TRIM9: variants seen among roughly 807,000 people sequenced by gnomAD.
TRIM9 encodes the protein E3 ubiquitin-protein ligase TRIM9.
TRIM9 carries 26 observed loss-of-function variants against 78.3 expected under a neutral mutation model. The observed-to-expected ratio is 0.33, with a 90% CI of 0.24 to 0.46. The LOEUF is 0.46. Ranked by LOEUF, TRIM9 falls within the 20% of genes least tolerant of loss-of-function variation. The probability of loss-of-function intolerance (pLI) is 1.00; values close to 1 mark genes in which losing one functional copy is unlikely to be tolerated. For missense variants in TRIM9, 787 were observed against 1,036.4 expected, an observed-to-expected ratio of 0.76 and a Z score of 3.30; for synonymous variants, 398 against 416.5, an observed-to-expected ratio of 0.96 and a Z score of 0.54.
intron 1 of TRIM9, among the ~76,000 whole-genome samples, chr14:51,071,825 A>C (rs913168242): frequency 1.3e-5 from 2 of 152,082 alleles, no homozygotes. Flanking sequence ...TAAATGAATA[A>C]TTTTTAAAAA....
chr14:51,025,238 T>C (rs11848681), intron 2 of TRIM9, 27 bp downstream of exon 2: 694,729 of 1,603,050 alleles, frequency 0.43, 155,006 homozygotes, highest in South Asian at 0.64. Flanking sequence ...CCGGCGGGTT[T>C]CCTTGCGTCC....
intron 5 of TRIM9, among the ~76,000 whole-genome samples, chr14:51,001,451 G>A (rs1363113813): frequency 6.6e-6 from 1 of 151,806 alleles, no homozygotes. Context: ...GGATGGTCTT[G>A]ATCTCCTGAC....
intron 1 of TRIM9, among the ~76,000 whole-genome samples, chr14:51,041,694 C>G (rs1323110520): frequency 6.6e-6 from 1 of 152,178 alleles, no homozygotes; most frequent in East Asian, 1.9e-4. Context: ...TACAATAGCA[C>G]TCTTTTCTCT....
chr14:50,995,027 C>CT (rs1404455931), intron 7 of TRIM9, among the ~76,000 whole-genome samples: 1 of 151,742 alleles, frequency 6.6e-6, no homozygotes, highest in Non-Finnish European at 1.5e-5. Context: ...TTCTCTGTCT[C>CT]TTTTTTTTAA....
rs1177325747 is a variant in TRIM9 at position 51,071,139 on chromosome 14, G to T, written c.822+22979C>A. Among the ~76,000 whole-genome samples the T allele has an allele frequency of 2.0e-5, 3 of 152,082 alleles. No individual in the cohort carries two copies. In the East Asian group the frequency reaches 5.8e-4, roughly 29 times the overall value. On this transcript the variant is annotated intron_variant, in intron 1 of 12. Transcript: ENST00000684578. ...CACATCTGTAATCCTAGCACTTTGA[G>T]GCCAGGGTGGGCGGATCACCTGAGG...
At chr14:51,056,116 C>T (rs1395222872) in intron 1 of TRIM9, among the ~76,000 whole-genome samples, 1 of 152,148 alleles carries the variant, frequency 6.6e-6, no homozygotes, top group Non-Finnish European at 1.5e-5. Context: ...CAAAAGCAAA[C>T]GTCTACAATG....
At position 51,080,410 on chromosome 14, in the gene TRIM9, A is replaced by C. The variant is rs538827297; in HGVS notation, c.822+13708T>G. ...CATGGAAGAGTCCCCAGAAGGGAGA[A>C]TAGGTGTTTCAATTGAGTTTTATTG... On this transcript the variant is annotated intron_variant, in intron 1 of 12. Transcript: ENST00000684578. Among the ~76,000 whole-genome samples the C allele has an allele frequency of 4.7e-5, 7 of 150,208 alleles. No individual in the cohort carries two copies. In the East Asian group the frequency reaches 1.4e-3, roughly 30 times the overall value.
intron 7 of TRIM9, chr14:50,996,698 A>G: frequency 1.0e-6 from 1 of 985,414 alleles, no homozygotes; most frequent in Non-Finnish European, 1.2e-6. Context: ...ATTTTGAGAA[A>G]AGAGGCAACT....
At chr14:51,046,782 T>G (rs192540653) in intron 1 of TRIM9, among the ~76,000 whole-genome samples, 4 of 152,306 alleles carry the variant, frequency 2.6e-5, no homozygotes, top group African/African-American at 9.6e-5. Flanking sequence ...TTCGTTTCCT[T>G]CTTAGTAAAG....
At chr14:51,032,689 C>T (rs2058835801) in intron 1 of TRIM9, among the ~76,000 whole-genome samples, 1 of 152,138 alleles carries the variant, frequency 6.6e-6, no homozygotes. Context: ...TCCAGGGAAC[C>T]CAGTCTAAAA....
rs1467519078 is a variant in TRIM9, at chr14:50,986,110, T to C, written c.1638A>G (p.Pro546=). The C allele has an allele frequency of 6.5e-7, 1 of 1,542,626 alleles. No individual in the cohort carries two copies. ...TDSEEQTLPF[P]VPSERLPLRR... is the part of the protein sequence containing the mutation. ...GGAGCGGCAATCTTTCCGAAGGCAC[T>C]GGAAAAGGGAGGGTCTGTTCTTCTG... Residue 546 remains proline, a synonymous_variant, in exon 8 of 13, where the codon CCA becomes CCG. Transcript: ENST00000684578.
At chr14:50,995,517 A>G (rs879595975) in intron 7 of TRIM9, among the ~76,000 whole-genome samples, 10 of 152,220 alleles carry the variant, frequency 6.6e-5, no homozygotes, top group Non-Finnish European at 1.5e-4. Context: ...TCTCCCCTGC[A>G]TAACGTTACC....
chr14:51,072,996 T>A (rs1033153343), intron 1 of TRIM9, among the ~76,000 whole-genome samples: 9 of 152,088 alleles, frequency 5.9e-5, no homozygotes, highest in Admixed American at 1.3e-4. Flanking sequence ...TTATTTATTT[T>A]TTTTTTGGCA....
chr14:51,064,404 G>C (rs75390983), intron 1 of TRIM9, among the ~76,000 whole-genome samples: 3,798 of 151,946 alleles, frequency 0.025, 164 homozygotes, highest in African/African-American at 0.088. Context: ...ATTCAAAAGT[G>C]TAACTACTCC....
At chr14:51,006,376 A>G (rs2055799803) in intron 5 of TRIM9, among the ~76,000 whole-genome samples, 1 of 152,234 alleles carries the variant, frequency 6.6e-6, no homozygotes, top group African/African-American at 2.4e-5. Flanking sequence ...TCTTTAAAAA[A>G]TAAGAAGATG....
In TRIM9 at chr14:51,000,927, C is replaced by T. The variant is rs1208494831; in HGVS notation, c.1307-87G>A. On this transcript the variant is annotated intron_variant, in intron 5 of 12. Transcript: ENST00000684578. ...ATGACAAGCATCCCCCTGATAAACA[C>T]GTGGTTAGAAGTAGCCAGAATGGGG... 2.0e-6 allele frequency: 3 copies of T among 1,531,316 alleles called. No individual in the cohort carries two copies. In the African/African-American group the frequency reaches 4.1e-5, roughly 21 times the overall value. 94.9% of individuals were successfully genotyped at this position (1,531,316 alleles called of 1,614,324 possible).
chr14:51,080,094 A>G (rs1009528214), intron 1 of TRIM9, among the ~76,000 whole-genome samples: 1 of 152,114 alleles, frequency 6.6e-6, no homozygotes, highest in Non-Finnish European at 1.5e-5. Flanking sequence ...TCACACTGCT[A>G]TGTGTTTTCT....
At chr14:51,083,549 C>A (rs548338811) in intron 1 of TRIM9, among the ~76,000 whole-genome samples, 9 of 152,242 alleles carry the variant, frequency 5.9e-5, no homozygotes, top group Admixed American at 3.9e-4. Flanking sequence ...AGCAGAGATC[C>A]TTAGTTTTAA....
intron 7 of TRIM9, chr14:50,996,416 A>G (rs1174338415): frequency 2.0e-6 from 2 of 985,332 alleles, no homozygotes; most frequent in South Asian, 4.7e-5. Context: ...ATGAAACGAG[A>G]GACATAAGTG....
Sources: gnomAD v4.1 joint callset for allele counts (sites outside exome capture counted in the v4.1 genomes callset) on GRCh38, gnomAD v4.1.1 for gene constraint, MANE v1.5 for transcripts, NCBI Gene and HGNC (gene_info 2026-07-23, HGNC 2026-07-21) for gene names.